SYNE1: variants seen among roughly 807,000 people sequenced by gnomAD.
SYNE1 encodes nesprin-1.
A neutral mutation model predicts 1,111.0 loss-of-function variants in SYNE1; 616 were observed. The observed-to-expected ratio is 0.55, with a 90% CI of 0.52 to 0.59. SYNE1 has a LOEUF of 0.59. Ranked by LOEUF, SYNE1 falls within the 20% of genes least tolerant of loss-of-function variation. The probability of loss-of-function intolerance (pLI) is 0.00; values close to 1 mark genes in which losing one functional copy is unlikely to be tolerated. For missense variants in SYNE1, 10,006 were observed against 10,417.0 expected (o/e 0.96, Z 1.72); for synonymous variants, 3,855 against 3,825.8 (o/e 1.01, Z -0.28).
Position 152,377,848 on chromosome 6 carries a change from C to T in SYNE1, c.9010-936G>A, listed in dbSNP as rs77378476. ...TGTTTACCGTGTGCCAAGCATTTTGCTGGATTCTGGGACCCAAGTCCCCCC... is the reference window on the plus strand; with the variant it reads ...TGTTTACCGTGTGCCAAGCATTTTGTTGGATTCTGGGACCCAAGTCCCCCC... On this transcript the variant is annotated intron_variant, in intron 56 of 145. Coordinates refer to ENST00000367255, the MANE Select transcript of SYNE1 (RefSeq NM_182961.4). Among the ~76,000 whole-genome samples, 476 of 151,720 alleles carry T rather than the reference C, an allele frequency of 3.1e-3. 4 individuals carry two copies. Among genetic ancestry groups the T allele is most frequent in the African/African-American group, 0.011 (454 of 41,356 alleles).
chr6:152,226,236 C>A (rs953461589), intron 115 of SYNE1, among the ~76,000 whole-genome samples: 1 of 152,080 alleles, frequency 6.6e-6, no homozygotes, highest in Non-Finnish European at 1.5e-5. Context: ...CAAAAAGTTA[C>A]GCTGCCTACC....
Position 152,499,960 on chromosome 6 carries a change from C to T in SYNE1, c.889-1168G>A, listed in dbSNP as rs181479017. Among the ~76,000 whole-genome samples the T allele has an allele frequency of 5.5e-3, 832 of 152,148 alleles. 8 individuals are homozygous for T. Among genetic ancestry groups the T allele is most frequent in the African/African-American group, 0.018 (735 of 41,536 alleles). ...GCCTATATCAATAGATTGTGTGTTTCGAATCTCTAAGGATTTTTGCATTAA... is the reference window on the plus strand; with the variant it reads ...GCCTATATCAATAGATTGTGTGTTTTGAATCTCTAAGGATTTTTGCATTAA... On this transcript the variant is annotated intron_variant, in intron 10 of 145. Transcript: ENST00000367255.
chr6:152,399,651 G>A lies in SYNE1; in HGVS notation c.7202C>T (p.Ala2401Val), dbSNP rs1277115193. The change falls in exon 48 of 146, where the codon GCC (alanine) becomes GTC (valine). Residue 2401 changes from alanine (A) to valine (V), a missense_variant. Transcript: ENST00000367255. ...AVSQLCSKTQ[A>V]SLQESLEKHF... is the part of the protein sequence containing the mutation. ...TTTTTCCAGAGATTCCTGCAGGCTG[G>A]CCTGGGTTTTGGAGCACAACTGGCT... 1 of 1,614,098 alleles carries A rather than the reference G, an allele frequency of 6.2e-7. No individual in the cohort carries two copies. The highest frequency in any genetic ancestry group is 1.7e-5 in the Admixed American group (1 of 60,014).
intron 93 of SYNE1, among the ~76,000 whole-genome samples, chr6:152,298,344 C>T (rs952565293): frequency 2.0e-4 from 31 of 152,182 alleles, no homozygotes; most frequent in African/African-American, 7.0e-4. Flanking sequence ...TGTATTCCTC[C>T]CTCAACTCTT....
chr6:152,353,790 C>A, intron 67 of SYNE1, 46 bp from the exon 68 acceptor site: 3 of 1,609,176 alleles, frequency 1.9e-6, no homozygotes, highest in Non-Finnish European at 8.5e-7. Flanking sequence ...CTTAGCCATT[C>A]GAATAAGCCA....
At chr6:152,577,469 A>G (rs1164263290) in intron 3 of SYNE1, among the ~76,000 whole-genome samples, 1 of 152,084 alleles carries the variant, frequency 6.6e-6, no homozygotes, top group Non-Finnish European at 1.5e-5. Flanking sequence ...CGTCTCTACT[A>G]AAAACACAAA....
intron 3 of SYNE1, among the ~76,000 whole-genome samples, chr6:152,574,309 T>C (rs2128339830): frequency 6.6e-6 from 1 of 151,324 alleles, no homozygotes; most frequent in South Asian, 2.1e-4. Flanking sequence ...ATATATTTGT[T>C]GTTTTCGTAG....
rs760544014 is a variant in SYNE1 at position 152,430,619 on chromosome 6, C to G, written c.4552G>C (p.Glu1518Gln). The G allele has an allele frequency of 7.4e-6, 12 of 1,614,152 alleles. No homozygotes were observed. The Admixed American group carries it at 1.5e-4, about 20-fold the overall frequency. Residue 1518 changes from glutamate to glutamine, a missense_variant, in exon 35 of 146, where the codon GAA becomes CAA. Transcript: ENST00000367255. ...AACTTGGCTTTAATTCGAGCAGATT[C>G]TCCAGTGGTAACAAACTGAGCAAAA... Reference protein sequence around the residue: ...QSFAQFVTTGESARIKAKLTQ... With the variant: ...QSFAQFVTTGQSARIKAKLTQ...
chr6:152,268,443 C>T (rs2092918089), intron 99 of SYNE1, among the ~76,000 whole-genome samples: 1 of 149,976 alleles, frequency 6.7e-6, no homozygotes, highest in Admixed American at 6.6e-5. Flanking sequence ...GGCAATAGTG[C>T]CCTCAAGTGG....
chr6:152,324,451 C>A (rs1319813662), intron 81 of SYNE1, among the ~76,000 whole-genome samples: 1 of 151,842 alleles, frequency 6.6e-6, no homozygotes, highest in African/African-American at 2.4e-5. Context: ...TGCTCATTTT[C>A]AGGTTTCATG....
At chr6:152,363,479 G>T (rs1206965992) in intron 63 of SYNE1, among the ~76,000 whole-genome samples, 2 of 150,574 alleles carry the variant, frequency 1.3e-5, no homozygotes, top group African/African-American at 2.4e-5. Flanking sequence ...GGGCGACAGA[G>T]CAAGACTCCG....
chr6:152,495,554 T>C (rs1442854880), intron 11 of SYNE1, among the ~76,000 whole-genome samples: 1 of 152,168 alleles, frequency 6.6e-6, no homozygotes, highest in Non-Finnish European at 1.5e-5. Context: ...TTCAATTACC[T>C]GCTCCACCCT....
intron 96 of SYNE1, among the ~76,000 whole-genome samples, chr6:152,283,689 AC>A (rs1354393672): frequency 1.3e-5 from 2 of 152,050 alleles, no homozygotes; most frequent in Non-Finnish European, 2.9e-5. Flanking sequence ...GGCACACACC[AC>A]CATGTCTGGC....
chr6:152,180,108 A>G, intron 129 of SYNE1, 28 bp downstream of exon 129: 3 of 1,613,568 alleles, frequency 1.9e-6, no homozygotes, highest in Non-Finnish European at 2.5e-6. Context: ...ATGAAGAATG[A>G]AAACCTAAGT....
intron 74 of SYNE1, among the ~76,000 whole-genome samples, chr6:152,340,734 G>C (rs1168230954): frequency 6.6e-6 from 1 of 152,210 alleles, no homozygotes; most frequent in South Asian, 2.1e-4. Context: ...ATTTAAGTGT[G>C]ATGGGAAAAT....
At chr6:152,484,732 G>A (rs561571608) in intron 13 of SYNE1, 103 bp downstream of exon 13, 2 of 1,242,418 alleles carry the variant, frequency 1.6e-6, no homozygotes, top group African/African-American at 1.5e-5. Context: ...CTCAGACAGA[G>A]GCAGTAGAAC....
At position 152,349,820 on chromosome 6, in the gene SYNE1, A is replaced by G. The variant is rs141255481; in HGVS notation, c.11901+348T>C. 3.2e-3 allele frequency among the ~76,000 whole-genome samples: 490 copies of G among 152,238 alleles called. 1 individual carries two copies. The highest frequency in any genetic ancestry group is 0.011 in the African/African-American group (437 of 41,548). ...CTCATGATAGCAAATAAGTCTCATG[A>G]GATCTGATGGTTTTAAAAAGGGGAG... On this transcript the variant is annotated intron_variant, in intron 72 of 145. Coordinates refer to ENST00000367255, the MANE Select transcript of SYNE1 (RefSeq NM_182961.4).
intron 39 of SYNE1, among the ~76,000 whole-genome samples, chr6:152,424,090 C>T (rs1174218883): frequency 6.6e-6 from 1 of 152,152 alleles, no homozygotes; most frequent in Non-Finnish European, 1.5e-5. Flanking sequence ...CATGGACCTG[C>T]CTTGCTTACT....
chr6:152,236,685 A>C (rs1017533365), intron 109 of SYNE1, 132 bp downstream of exon 109: 2 of 1,137,948 alleles, frequency 1.8e-6, no homozygotes. Flanking sequence ...CAGAAACATT[A>C]TCTCCTTTCA....
Sources: allele counts gnomAD v4.1 joint callset (sites outside exome capture counted in the v4.1 genomes callset), GRCh38; gene constraint gnomAD v4.1.1; transcripts MANE v1.5; gene names NCBI Gene and HGNC (gene_info 2026-07-23, HGNC 2026-07-21).